Variants in FILIP1L observed in about 807,000 individuals in gnomAD.
FILIP1L encodes filamin A interacting protein 1 like, also known as filamin A-interacting protein 1-like.
A neutral mutation model predicts 96.6 loss-of-function variants in FILIP1L; 55 were observed. The observed-to-expected ratio is 0.57, with a 90% CI of 0.46 to 0.71. The LOEUF (loss-of-function observed/expected upper bound fraction) is 0.71. Ranked by LOEUF, FILIP1L falls within the 30% of genes least tolerant of loss-of-function variation. The pLI is 0.00. For missense variants in FILIP1L, 1,304 were observed against 1,321.2 expected, an observed-to-expected ratio of 0.99 and a Z score of 0.20; for synonymous variants, 467 against 473.9, an observed-to-expected ratio of 0.99 and a Z score of 0.19.
chr3:99,985,735 C>G (rs1709320444), intron 1 of FILIP1L, among the ~76,000 whole-genome samples: 1 of 152,016 alleles, frequency 6.6e-6, no homozygotes, highest in South Asian at 2.1e-4. Context: ...ATTACAGGCA[C>G]CTGCTACCAT....
chr3:99,995,025 C>T (rs974085882), intron 1 of FILIP1L, among the ~76,000 whole-genome samples: 1 of 152,148 alleles, frequency 6.6e-6, no homozygotes, highest in Non-Finnish European at 1.5e-5. Context: ...CATTTCAAAA[C>T]CAATCATGCC....
intron 1 of FILIP1L, among the ~76,000 whole-genome samples, chr3:100,071,268 G>T (rs2065759250): frequency 6.6e-6 from 1 of 152,058 alleles, no homozygotes; most frequent in South Asian, 2.1e-4. Flanking sequence ...AGCTGAATTT[G>T]CTACATAACT....
rs753555396 is a variant in FILIP1L, at chr3:99,850,425, A to C, written c.1251T>G (p.Val417=). 22 of 1,613,796 alleles carry C rather than the reference A, an allele frequency of 1.4e-5. No homozygotes were observed. The South Asian group carries it at 2.4e-4, about 18-fold the overall frequency. Reference sequence around the variant, plus strand: ...CCATAATTCTTTTACTGAGTTTTTCAACCTCTAGTTTAAAGTCTTTACTCT... The same window carrying C: ...CCATAATTCTTTTACTGAGTTTTTCCACCTCTAGTTTAAAGTCTTTACTCT... The part of the protein sequence containing the change: ...TLQSKDFKLE[V]EKLSKRIMAL... The change falls in exon 5 of 6, where the codon GTT becomes GTG. Residue 417 remains valine, a synonymous_variant. Transcript: ENST00000477258.
At chr3:99,952,384 A>T (rs1708203246) in intron 1 of FILIP1L, among the ~76,000 whole-genome samples, 1 of 152,152 alleles carries the variant, frequency 6.6e-6, no homozygotes, top group Non-Finnish European at 1.5e-5. Flanking sequence ...GCCAGTCATT[A>T]TGTCTGTTCA....
At chr3:100,034,294 T>C (rs541071177) in intron 1 of FILIP1L, among the ~76,000 whole-genome samples, 48 of 152,344 alleles carry the variant, frequency 3.2e-4, no homozygotes, top group Non-Finnish European at 6.2e-4. Flanking sequence ...AATGTACCAC[T>C]TATTGTCTGG....
At chr3:100,013,221 T>C (rs1260850901) in intron 1 of FILIP1L, among the ~76,000 whole-genome samples, 1 of 146,618 alleles carries the variant, frequency 6.8e-6, no homozygotes. Context: ...GAGGTGTTGT[T>C]GTTGTTGTTG....
intron 1 of FILIP1L, among the ~76,000 whole-genome samples, chr3:100,092,068 C>CTAT (rs1324281957): frequency 6.6e-6 from 1 of 152,092 alleles, no homozygotes; most frequent in Non-Finnish European, 1.5e-5. Context: ...TTTCATAGGG[C>CTAT]TATTATGAGC....
chr3:99,841,047 G>A (rs1943109033), intron 5 of FILIP1L, among the ~76,000 whole-genome samples: 1 of 152,206 alleles, frequency 6.6e-6, no homozygotes, highest in Non-Finnish European at 1.5e-5. Flanking sequence ...CATAATATCT[G>A]CCCCAGTGGC....
At chr3:99,864,251 T>A (rs1944402889) in intron 4 of FILIP1L, among the ~76,000 whole-genome samples, 1 of 152,138 alleles carries the variant, frequency 6.6e-6, no homozygotes, top group African/African-American at 2.4e-5. Flanking sequence ...CCAGGCAGAT[T>A]AATACTATGC....
intron 5 of FILIP1L, among the ~76,000 whole-genome samples, chr3:99,841,641 CAG>C (rs1222573961): frequency 2.6e-5 from 4 of 152,070 alleles, no homozygotes; most frequent in African/African-American, 7.2e-5. Context: ...CTGAACAAAA[CAG>C]GCGCAATCCC....
At chr3:99,983,468 A>ATG (rs1559713737) in intron 1 of FILIP1L, among the ~76,000 whole-genome samples, 13 of 6,366 alleles carry the variant, frequency 2.0e-3, no homozygotes, top group Admixed American at 3.4e-3. Context: ...ATGTGTGTAT[A>ATG]TATATATATA....
intron 1 of FILIP1L, among the ~76,000 whole-genome samples, chr3:100,050,253 C>T (rs1464818410): frequency 6.6e-6 from 1 of 152,054 alleles, no homozygotes; most frequent in Non-Finnish European, 1.5e-5. Context: ...GCTGTATTAA[C>T]CTCCCTTATA....
chr3:99,908,447 A>G (rs904684730), intron 4 of FILIP1L, among the ~76,000 whole-genome samples: 3 of 152,158 alleles, frequency 2.0e-5, no homozygotes, highest in Non-Finnish European at 4.4e-5. Flanking sequence ...ATTCTCATTC[A>G]GTATGTTTGG....
At chr3:100,040,636 G>A (rs1434690970) in intron 1 of FILIP1L, 1 of 152,178 alleles carries the variant, frequency 6.6e-6, no homozygotes, top group Non-Finnish European at 1.5e-5. Flanking sequence ...GGACGGTCTT[G>A]GTTGACAATA....
chr3:100,060,746 CA>C (rs2065549168), intron 1 of FILIP1L, among the ~76,000 whole-genome samples: 1 of 152,092 alleles, frequency 6.6e-6, no homozygotes, highest in Admixed American at 6.5e-5. Context: ...CCTGTAGTCC[CA>C]GCTACTCTGG....
chr3:99,857,625 C>T (rs1175591885), intron 4 of FILIP1L, among the ~76,000 whole-genome samples: 1 of 152,204 alleles, frequency 6.6e-6, no homozygotes, highest in Non-Finnish European at 1.5e-5. Flanking sequence ...TCTGTTTTCA[C>T]AGATTGTTTT....
At chr3:100,034,066 G>C (rs2065065604) in intron 1 of FILIP1L, among the ~76,000 whole-genome samples, 1 of 152,126 alleles carries the variant, frequency 6.6e-6, no homozygotes, top group Admixed American at 6.5e-5. Context: ...GCTTACATTA[G>C]TGACCCGTTA....
At chr3:100,019,751 TATC>T (rs2064774175) in intron 1 of FILIP1L, among the ~76,000 whole-genome samples, 1 of 152,206 alleles carries the variant, frequency 6.6e-6, no homozygotes, top group East Asian at 1.9e-4. Flanking sequence ...TCTACAGAAC[TATC>T]ATCTTTCAAA....
chr3:99,849,362 C>G lies in FILIP1L; in HGVS notation c.2314G>C (p.Glu772Gln). The G allele has an allele frequency of 6.2e-7, 1 of 1,614,150 alleles. No individual in the cohort carries two copies. The highest frequency in any genetic ancestry group is 1.7e-5 in the Admixed American group (1 of 60,012). Residue 772 changes from glutamate (E) to glutamine (Q), a missense_variant, in exon 5 of 6, where the codon GAG becomes CAG. Physicochemically the swap from Glu to Gln is conservative, Grantham distance 29 (BLOSUM62 2). Coordinates refer to ENST00000477258, the MANE Select transcript of FILIP1L (RefSeq NM_001387850.1). Reference protein sequence around the residue: ...REIENLTKELERYRHFSKSLR... With the variant: ...REIENLTKELQRYRHFSKSLR... ...CTCTTACTGAAATGCCGGTACCTCT[C>G]TAACTCCTTAGTGAGGTTTTCAATC...
Sources: allele counts gnomAD v4.1 joint callset (sites outside exome capture counted in the v4.1 genomes callset), GRCh38; gene constraint gnomAD v4.1.1; transcripts MANE v1.5; gene names NCBI Gene and HGNC (gene_info 2026-07-23, HGNC 2026-07-21).